The following WDPCP variants were observed in gnomAD, a reference collection of about 807,000 sequenced individuals.
WDPCP encodes WD repeat containing planar cell polarity effector.
A neutral mutation model predicts 93.1 loss-of-function variants in WDPCP; 71 were observed. The ratio of observed to expected loss-of-function variants is 0.76; its 90% CI spans 0.63 to 0.93. The LOEUF is 0.93. Ranked by LOEUF, WDPCP falls within the 40% of genes least tolerant of loss-of-function variation. The pLI is 0.00. For missense variants in WDPCP, 844 were observed against 887.4 expected (o/e 0.95, Z 0.62); for synonymous variants, 315 against 315.0 (o/e 1.00, Z 0.00).
chr2:63,351,552 AC>A lies in WDPCP; in HGVS notation c.1748+26833del, dbSNP rs746097741. 1.7e-4 allele frequency among the ~76,000 whole-genome samples: 26 copies of A among 152,038 alleles called. 1 individual carries two copies. The highest frequency in any genetic ancestry group is 2.6e-4 in the Non-Finnish European group (18 of 68,010). ...ACTTGGTTTTTGTTCCTGTTAATTCACTTAGGATTATGGCCTTCAGCTGCAT... is the reference window on the plus strand; with the variant it reads ...ACTTGGTTTTTGTTCCTGTTAATTCATTAGGATTATGGCCTTCAGCTGCAT... On this transcript the variant is annotated intron_variant, in intron 12 of 17. Coordinates refer to ENST00000272321, the MANE Select transcript of WDPCP (RefSeq NM_015910.7).
intron 13 of WDPCP, among the ~76,000 whole-genome samples, chr2:63,302,555 A>G (rs1417851108): frequency 6.6e-6 from 1 of 152,240 alleles, no homozygotes; most frequent in Non-Finnish European, 1.5e-5. Flanking sequence ...AAGGGAACCC[A>G]GAAGCCTGAC....
intron 17 of WDPCP, among the ~76,000 whole-genome samples, chr2:63,147,550 A>C (rs996674047): frequency 7.9e-5 from 12 of 152,224 alleles, no homozygotes; most frequent in African/African-American, 2.9e-4. Flanking sequence ...TTATCTAGTC[A>C]AAGACTTCTT....
intron 2 of WDPCP, among the ~76,000 whole-genome samples, chr2:63,713,663 C>A (rs1163975144): frequency 6.6e-6 from 1 of 152,182 alleles, no homozygotes; most frequent in Non-Finnish European, 1.5e-5. Flanking sequence ...GTCAAACACT[C>A]AAAGGGTAGA....
At chr2:63,751,938 A>G in intron 2 of WDPCP, 1 of 663,948 alleles carries the variant, frequency 1.5e-6, no homozygotes, top group Non-Finnish European at 2.8e-6. Flanking sequence ...CACCATATCC[A>G]CCATGACCAC....
At chr2:63,528,821 C>T (rs139302065) in intron 1 of WDPCP, among the ~76,000 whole-genome samples, 36 of 152,272 alleles carry the variant, frequency 2.4e-4, no homozygotes, top group African/African-American at 6.3e-4. Flanking sequence ...GCCATCTTCA[C>T]GATATTGATT....
chr2:63,769,893 T>C (rs189816557), intron 2 of WDPCP, among the ~76,000 whole-genome samples: 1 of 152,070 alleles, frequency 6.6e-6, no homozygotes, highest in East Asian at 1.9e-4. Flanking sequence ...TGTTAGTTTT[T>C]CTCTAAGTTC....
intron 1 of WDPCP, among the ~76,000 whole-genome samples, chr2:63,552,721 T>C (rs961603227): frequency 1.7e-4 from 26 of 152,092 alleles, no homozygotes; most frequent in African/African-American, 6.3e-4. Context: ...TAAAAGGCAC[T>C]AACAAAAAAG....
intron 9 of WDPCP, among the ~76,000 whole-genome samples, chr2:63,422,441 G>A (rs1269228269): frequency 6.6e-6 from 1 of 152,050 alleles, no homozygotes; most frequent in Non-Finnish European, 1.5e-5. Flanking sequence ...AAGTACTAGA[G>A]AATCAATTCA....
intron 1 of WDPCP, among the ~76,000 whole-genome samples, chr2:63,537,988 G>A (rs956732978): frequency 4.9e-4 from 75 of 152,032 alleles, no homozygotes; most frequent in African/African-American, 1.5e-3. Context: ...CATAAGTCCC[G>A]CATGGCAAAA....
chr2:63,479,271 T>A (rs139190187), intron 6 of WDPCP, among the ~76,000 whole-genome samples: 1 of 152,072 alleles, frequency 6.6e-6, no homozygotes, highest in Non-Finnish European at 1.5e-5. Flanking sequence ...CAAAGAAGAA[T>A]TGGTATCAAT....
At chr2:63,526,403 C>G (rs544925260) in intron 1 of WDPCP, among the ~76,000 whole-genome samples, 78 of 152,108 alleles carry the variant, frequency 5.1e-4, no homozygotes, top group African/African-American at 1.9e-3. Flanking sequence ...GAAGCAGTGG[C>G]AACTGTTTGA....
intron 17 of WDPCP, among the ~76,000 whole-genome samples, chr2:63,135,702 A>C (rs1670569458): frequency 6.6e-6 from 1 of 151,898 alleles, no homozygotes; most frequent in Non-Finnish European, 1.5e-5. Context: ...GTTTTTCCAC[A>C]AAAGAGAATA....
intron 17 of WDPCP, among the ~76,000 whole-genome samples, chr2:63,150,283 G>T (rs953311708): frequency 6.6e-6 from 1 of 152,094 alleles, no homozygotes; most frequent in Non-Finnish European, 1.5e-5. Flanking sequence ...TAGGGTTGTG[G>T]TTCTTAACCA....
intron 14 of WDPCP, among the ~76,000 whole-genome samples, chr2:63,188,176 T>G (rs548374482): frequency 6.6e-6 from 1 of 152,246 alleles, no homozygotes; most frequent in South Asian, 2.1e-4. Flanking sequence ...TCTCTTCAGG[T>G]TTATCATAGT....
chr2:63,334,420 A>C (rs1688205347), intron 12 of WDPCP, among the ~76,000 whole-genome samples: 1 of 152,180 alleles, frequency 6.6e-6, no homozygotes, highest in African/African-American at 2.4e-5. Context: ...TGTGAGATGA[A>C]CATTGGTTCG....
chr2:63,507,553 G>T (rs1310928238), intron 1 of WDPCP, among the ~76,000 whole-genome samples: 1 of 151,974 alleles, frequency 6.6e-6, no homozygotes, highest in Non-Finnish European at 1.5e-5. Context: ...ATAGAATCCA[G>T]GAAGGGAACA....
intron 12 of WDPCP, among the ~76,000 whole-genome samples, chr2:63,322,152 G>GTGC (rs1687153662): frequency 6.6e-6 from 1 of 151,998 alleles, no homozygotes; most frequent in Non-Finnish European, 1.5e-5. Flanking sequence ...CTAGCTAAAG[G>GTGC]ATTGTAAATG....
intron 12 of WDPCP, among the ~76,000 whole-genome samples, chr2:63,334,526 AT>A (rs781673319): frequency 5.9e-5 from 9 of 152,150 alleles, no homozygotes; most frequent in Non-Finnish European, 1.2e-4. Flanking sequence ...AAATGGTTGC[AT>A]TCTTTAGAAC....
chr2:63,326,755 G>C (rs1687587448), intron 12 of WDPCP, among the ~76,000 whole-genome samples: 2 of 152,058 alleles, frequency 1.3e-5, no homozygotes, highest in Non-Finnish European at 2.9e-5. Flanking sequence ...GTCAGAGAGA[G>C]AGAGGAAGAG....
Sources: allele counts gnomAD v4.1 joint callset (sites outside exome capture counted in the v4.1 genomes callset), GRCh38; gene constraint gnomAD v4.1.1; transcripts MANE v1.5; gene names NCBI Gene and HGNC (gene_info 2026-07-23, HGNC 2026-07-21).